Variants in PLD1 observed in about 807,000 individuals in gnomAD.
PLD1 encodes choline phosphatase 1.
In PLD1, 112 loss-of-function variants were observed where a neutral mutation model predicts 137.1. The observed-to-expected ratio is 0.82, with a 90% confidence interval of 0.70 to 0.96. PLD1 has a LOEUF of 0.96. Ranked by LOEUF, PLD1 falls within the 40% of genes least tolerant of loss-of-function variation. The pLI is 0.00. For missense variants in PLD1, 1,321 were observed against 1,342.0 expected (o/e 0.98, Z 0.24); for synonymous variants, 431 against 454.7 (o/e 0.95, Z 0.66).
At position 171,627,935 on chromosome 3, in the gene PLD1, A is replaced by T. The variant is rs569317339; in HGVS notation, c.2594-7415T>A. ...AAAGATCCAAAATTGATACCCTAAC[A>T]TCACAATTAAAAGAACTAGAAAAGC... On this transcript the variant is annotated intron_variant, in intron 23 of 26. Transcript: ENST00000351298. Among the ~76,000 whole-genome samples, 21 of 152,116 alleles carry T rather than the reference A, an allele frequency of 1.4e-4. No individual in the cohort carries two copies. The East Asian group carries it at 4.1e-3, about 29-fold the overall frequency.
At chr3:171,667,035 C>A (rs1232255894) in intron 19 of PLD1, among the ~76,000 whole-genome samples, 1 of 152,112 alleles carries the variant, frequency 6.6e-6, no homozygotes, top group Non-Finnish European at 1.5e-5. Flanking sequence ...AGTATTTGTC[C>A]CAAATTCCCT....
At chr3:171,754,003 T>C (rs1298309380) in intron 1 of PLD1, among the ~76,000 whole-genome samples, 4 of 152,204 alleles carry the variant, frequency 2.6e-5, no homozygotes, top group East Asian at 1.9e-4. Context: ...CTATCATCCA[T>C]TGGGACTCAT....
chr3:171,754,360 C>T (rs1408157984), intron 1 of PLD1, among the ~76,000 whole-genome samples: 1 of 152,170 alleles, frequency 6.6e-6, no homozygotes, highest in Non-Finnish European at 1.5e-5. Flanking sequence ...CTTAATTTTC[C>T]TAATAATCCT....
At chr3:171,747,956 T>C (rs1173292916) in intron 1 of PLD1, among the ~76,000 whole-genome samples, 1 of 152,266 alleles carries the variant, frequency 6.6e-6, no homozygotes, top group Non-Finnish European at 1.5e-5. Flanking sequence ...CTGTTTTACA[T>C]GAATATGAAG....
chr3:171,608,871 G>A (rs1017770022), intron 25 of PLD1, among the ~76,000 whole-genome samples: 23 of 151,968 alleles, frequency 1.5e-4, no homozygotes, highest in Admixed American at 1.4e-3. Flanking sequence ...AAAAAGGCAG[G>A]TGGGGAAAAA....
intron 1 of PLD1, among the ~76,000 whole-genome samples, chr3:171,801,622 T>A (rs368267191): frequency 5.3e-5 from 8 of 152,298 alleles, no homozygotes; most frequent in South Asian, 4.1e-4. Context: ...AGAGATGAGG[T>A]TTCACCGTGT....
chr3:171,709,773 A>G (rs2108565108), intron 9 of PLD1, 64 bp from the exon 10 acceptor site: 1 of 1,392,918 alleles, frequency 7.2e-7, no homozygotes, highest in Non-Finnish European at 9.8e-7. Context: ...GCTCTTTTTT[A>G]TTTGGTAATA....
At chr3:171,801,518 T>G (rs958969283) in intron 1 of PLD1, among the ~76,000 whole-genome samples, 1 of 152,196 alleles carries the variant, frequency 6.6e-6, no homozygotes, top group African/African-American at 2.4e-5. Context: ...AACCTCCACC[T>G]CCTAGGTTCA....
intron 21 of PLD1, among the ~76,000 whole-genome samples, chr3:171,658,592 A>C (rs762676072): frequency 6.6e-6 from 1 of 152,232 alleles, no homozygotes; most frequent in Non-Finnish European, 1.5e-5. Flanking sequence ...CAAAATGCCC[A>C]GATTAGGCAA....
chr3:171,648,679 C>T (rs913124422), intron 21 of PLD1, among the ~76,000 whole-genome samples: 3 of 152,094 alleles, frequency 2.0e-5, no homozygotes, highest in Non-Finnish European at 4.4e-5. Context: ...CTCAGCTTCC[C>T]GAGTAGCTGG....
At chr3:171,723,179 A>C (rs544822506) in intron 8 of PLD1, among the ~76,000 whole-genome samples, 1 of 152,074 alleles carries the variant, frequency 6.6e-6, no homozygotes, top group East Asian at 1.9e-4. Flanking sequence ...AATCTCCATG[A>C]GTTCAGTTGT....
At chr3:171,650,791 G>A (rs960533191) in intron 21 of PLD1, among the ~76,000 whole-genome samples, 32 of 152,142 alleles carry the variant, frequency 2.1e-4, no homozygotes, top group Non-Finnish European at 4.1e-4. Context: ...CCAGCTACTC[G>A]GGAGGCTGAG....
At chr3:171,634,183 G>C (rs549349979) in intron 23 of PLD1, among the ~76,000 whole-genome samples, 2 of 152,226 alleles carry the variant, frequency 1.3e-5, no homozygotes, top group Admixed American at 1.3e-4. Flanking sequence ...AAGGTACTTG[G>C]AAATCTTTTC....
At chr3:171,716,381 T>G (rs760554826) in intron 8 of PLD1, among the ~76,000 whole-genome samples, 9 of 152,228 alleles carry the variant, frequency 5.9e-5, no homozygotes, top group Non-Finnish European at 1.0e-4. Flanking sequence ...TCCTTTTCTC[T>G]GAAACCTCGT....
At chr3:171,654,300 C>CAAAAA (rs35731319) in intron 21 of PLD1, 9 of 114,138 alleles carry the variant, frequency 7.9e-5, no homozygotes, top group Admixed American at 3.6e-4. Context: ...AAGACTGTCT[C>CAAAAA]AAAAAAAAAA....
At chr3:171,806,710 G>C (rs1001770497) in intron 1 of PLD1, among the ~76,000 whole-genome samples, 1 of 152,138 alleles carries the variant, frequency 6.6e-6, no homozygotes, top group African/African-American at 2.4e-5. Flanking sequence ...ACTGCTTTTA[G>C]TTACTAAAAA....
chr3:171,733,517 G>A lies in PLD1; in HGVS notation c.541-8C>T. On this transcript the variant is annotated splice_region_variant and splice_polypyrimidine_tract_variant and intron_variant, in intron 5 of 26. Coordinates refer to ENST00000351298, the MANE Select transcript of PLD1 (RefSeq NM_002662.5). Reference sequence around the variant, plus strand: ...GTAATCTTCCAGTTGTTTCTGTAATGCAAATATTTTAGATAAGTGTTAACA... The same window carrying A: ...GTAATCTTCCAGTTGTTTCTGTAATACAAATATTTTAGATAAGTGTTAACA... 1 of 1,139,818 alleles carries A rather than the reference G, an allele frequency of 8.8e-7. No individual in the cohort carries two copies. Among genetic ancestry groups the A allele is most frequent in the Non-Finnish European group, 1.3e-6 (1 of 756,132 alleles). 70.6% of individuals were successfully genotyped at this position (1,139,818 alleles called of 1,614,324 possible). A position where few individuals can be genotyped will look rare whatever the true frequency, so the allele number is the denominator to read the frequency against.
chr3:171,609,769 G>A (rs372284103), intron 25 of PLD1, among the ~76,000 whole-genome samples: 1 of 152,136 alleles, frequency 6.6e-6, no homozygotes, highest in East Asian at 1.9e-4. Flanking sequence ...TAGAGGTGGA[G>A]TGAAGGATGA....
chr3:171,709,826 A>G, intron 9 of PLD1, 117 bp from the exon 10 acceptor site: 1 of 809,042 alleles, frequency 1.2e-6, no homozygotes, highest in South Asian at 1.9e-5. Context: ...AACATCAAGA[A>G]AGCAGGCATT....
Sources: gnomAD v4.1 joint callset for allele counts (sites outside exome capture counted in the v4.1 genomes callset) on GRCh38, gnomAD v4.1.1 for gene constraint, MANE v1.5 for transcripts, NCBI Gene and HGNC (gene_info 2026-07-23, HGNC 2026-07-21) for gene names.